Variants in ANO4 observed in about 807,000 individuals in gnomAD.
ANO4 encodes the protein anoctamin 4.
A neutral mutation model predicts 141.9 loss-of-function variants in ANO4; 69 were observed. That is an observed-to-expected ratio of 0.49 (90% CI 0.40 to 0.59). ANO4 has a LOEUF of 0.59. Ranked by LOEUF, ANO4 falls within the 20% of genes least tolerant of loss-of-function variation. The pLI is 0.00. For synonymous variants in ANO4, 350 were observed against 394.3 expected (o/e 0.89, Z 1.33); for missense variants, 894 against 1,162.2 (o/e 0.77, Z 3.36).
At chr12:100,997,331 C>CAAAAAA (rs34066695) in intron 8 of ANO4, among the ~76,000 whole-genome samples, 1 of 75,926 alleles carries the variant, frequency 1.3e-5, no homozygotes, top group East Asian at 3.8e-4. Context: ...GACTCTGTCT[C>CAAAAAA]AAAAAAAAAA....
intron 3 of ANO4, among the ~76,000 whole-genome samples, chr12:100,780,720 C>A (rs944275576): frequency 3.9e-5 from 6 of 152,124 alleles, no homozygotes; most frequent in African/African-American, 1.4e-4. Flanking sequence ...AACACAAGTA[C>A]TGCTGATCTC....
intron 3 of ANO4, among the ~76,000 whole-genome samples, chr12:100,776,138 G>A (rs1469250877): frequency 6.6e-6 from 1 of 152,210 alleles, no homozygotes; most frequent in South Asian, 2.1e-4. Flanking sequence ...CACAGGAGGG[G>A]AAATGGAAGC....
At chr12:100,926,318 G>T (rs1030716093) in intron 3 of ANO4, among the ~76,000 whole-genome samples, 2 of 152,054 alleles carry the variant, frequency 1.3e-5, no homozygotes, top group African/African-American at 4.8e-5. Flanking sequence ...ATGTCTCAGA[G>T]TGGCTGGCCA....
intron 13 of ANO4, chr12:101,048,124 C>A: frequency 9.1e-7 from 1 of 1,101,092 alleles, no homozygotes; most frequent in Non-Finnish European, 1.2e-6. Context: ...ATGATAACCA[C>A]ATAAAGAGAA....
At chr12:100,847,475 A>ATT (rs59985012) in intron 1 of ANO4, among the ~76,000 whole-genome samples, 2,487 of 136,854 alleles carry the variant, frequency 0.018, 100 homozygotes, top group African/African-American at 0.063. Flanking sequence ...GGCCAAGATA[A>ATT]TTTTTTTTTT....
At chr12:101,039,339 T>G (rs2047325219) in intron 10 of ANO4, among the ~76,000 whole-genome samples, 1 of 152,016 alleles carries the variant, frequency 6.6e-6, no homozygotes, top group Non-Finnish European at 1.5e-5. Context: ...ACCCCATCTC[T>G]ACAAAAAATA....
At chr12:101,065,256 A>G (rs1421783669) in intron 14 of ANO4, among the ~76,000 whole-genome samples, 1 of 152,086 alleles carries the variant, frequency 6.6e-6, no homozygotes, top group Non-Finnish European at 1.5e-5. Flanking sequence ...TGCAATATAT[A>G]TATAAGGTTC....
chr12:100,794,612 G>A (rs1439789568), upstream of ANO4: 1 of 152,170 alleles, frequency 6.6e-6, no homozygotes, highest in Non-Finnish European at 1.5e-5. Flanking sequence ...GTTCTCTCCG[G>A]CAGTTCCTTC....
Position 101,036,396 on chromosome 12 carries a change from T to C in ANO4, c.842-699T>C, listed in dbSNP as rs538779124. On this transcript the variant is annotated intron_variant, in intron 9 of 27. Transcript: ENST00000392977. ...AGTATCTTGAAGAGATATCTGCACG[T>C]CCATGTTCATTGCAGCATTATTTAC... 3.1e-3 allele frequency among the ~76,000 whole-genome samples: 477 copies of C among 152,310 alleles called. 4 individuals are homozygous for C. Among genetic ancestry groups the C allele is most frequent in the African/African-American group, 0.011 (446 of 41,560 alleles).
chr12:100,839,230 G>C (rs1468608048), intron 1 of ANO4, among the ~76,000 whole-genome samples: 1 of 152,078 alleles, frequency 6.6e-6, no homozygotes, highest in Non-Finnish European at 1.5e-5. Context: ...TTGCAGAATG[G>C]GGGCCAGTGG....
At position 100,740,045 on chromosome 12, in the gene ANO4, A is replaced by G. The variant is rs1478964120; in HGVS notation, c.298A>G (p.Ile100Val). ...TTTGTCCTGTCCAGCCTCACTGTCT[A>G]TCACTCCAGTGCCTTCTTACAGCAG... The change falls in exon 3 of 30, where the codon ATC becomes GTC. Residue 100 changes from isoleucine to valine, a missense_variant. Coordinates refer to the ANO4 transcript ENST00000644049. 2.0e-5 allele frequency: 14 copies of G among 702,572 alleles called. No homozygotes were observed. In the South Asian group the frequency reaches 2.1e-4, roughly 10 times the overall value. 43.5% of individuals were successfully genotyped at this position (702,572 alleles called of 1,614,324 possible).
At chr12:100,760,736 T>G (rs538305625) in intron 3 of ANO4, among the ~76,000 whole-genome samples, 1 of 152,326 alleles carries the variant, frequency 6.6e-6, no homozygotes, top group East Asian at 1.9e-4. Context: ...GCTCCTCTTC[T>G]GTTCTGCAGG....
chr12:101,103,966 G>A (rs907809513), intron 22 of ANO4, among the ~76,000 whole-genome samples: 3 of 151,664 alleles, frequency 2.0e-5, no homozygotes, highest in Admixed American at 1.3e-4. Flanking sequence ...CTGTGTTTTA[G>A]TCATGTATTT....
Position 100,907,782 on chromosome 12 carries a change from A to G in ANO4, c.55+5942A>G, listed in dbSNP as rs189269983. The stretch of plus-strand genomic sequence containing the variant: ...CTTCAGTGCTTCCTTGAATGACATG[A>G]TACTCAACTTCTTTACCTTTGTACC... On this transcript the variant is annotated intron_variant, in intron 2 of 27. Coordinates refer to ENST00000392977, the MANE Select transcript of ANO4 (RefSeq NM_001286615.2). Among the ~76,000 whole-genome samples the G allele has an allele frequency of 4.3e-3, 653 of 152,272 alleles. 4 individuals carry two copies. The highest frequency in any genetic ancestry group is 0.014 in the African/African-American group (593 of 41,552).
intron 5 of ANO4, among the ~76,000 whole-genome samples, chr12:100,954,014 T>C (rs2043079942): frequency 6.6e-6 from 1 of 152,150 alleles, no homozygotes; most frequent in South Asian, 2.1e-4. Context: ...CCCGACCTAG[T>C]TGCAAACACC....
intron 2 of ANO4, among the ~76,000 whole-genome samples, chr12:100,737,942 C>G (rs533056956): frequency 6.1e-4 from 93 of 152,188 alleles, no homozygotes; most frequent in African/African-American, 2.1e-3. Context: ...GAACCTATGT[C>G]TTGCCCAAAG....
chr12:100,766,923 G>T (rs1174937661), intron 3 of ANO4, among the ~76,000 whole-genome samples: 2 of 151,956 alleles, frequency 1.3e-5, no homozygotes, highest in Non-Finnish European at 2.9e-5. Flanking sequence ...TACAATTGTT[G>T]TATCTTCTTG....
intron 3 of ANO4, among the ~76,000 whole-genome samples, chr12:100,766,899 G>T (rs2033108784): frequency 6.6e-6 from 1 of 152,000 alleles, no homozygotes. Context: ...CTAAGCACTG[G>T]GTACATATAT....
intron 1 of ANO4, among the ~76,000 whole-genome samples, chr12:100,869,707 G>C (rs2038939058): frequency 6.6e-6 from 1 of 152,132 alleles, no homozygotes; most frequent in African/African-American, 2.4e-5. Flanking sequence ...GGGACTTTCT[G>C]ATTTTTTCTA....
Sources: gnomAD v4.1 joint callset for allele counts (sites outside exome capture counted in the v4.1 genomes callset) on GRCh38, gnomAD v4.1.1 for gene constraint, MANE v1.5 for transcripts, NCBI Gene and HGNC (gene_info 2026-07-23, HGNC 2026-07-21) for gene names.